The following ZDHHC17 variants were observed in gnomAD, a reference collection of about 807,000 sequenced individuals.
ZDHHC17 encodes zDHHC palmitoyltransferase 17.
In ZDHHC17, 40 loss-of-function variants were observed where a neutral mutation model predicts 90.3. The observed-to-expected ratio is 0.44, with a 90% CI of 0.34 to 0.58. The LOEUF is 0.58. Ranked by LOEUF, ZDHHC17 falls within the 20% of genes least tolerant of loss-of-function variation. The pLI, the probability that ZDHHC17 is intolerant of heterozygous loss-of-function variation, is 0.01. For missense variants in ZDHHC17, 614 were observed against 780.8 expected (o/e 0.79, Z 2.55); for synonymous variants, 235 against 252.4 (o/e 0.93, Z 0.65).
chr12:76,824,577 C>G (rs542283394), intron 8 of ZDHHC17, among the ~76,000 whole-genome samples: 1 of 151,986 alleles, frequency 6.6e-6, no homozygotes, highest in South Asian at 2.1e-4. Flanking sequence ...AGTAGTGACA[C>G]CTAAGACTCA....
rs1592494625 is a variant in ZDHHC17, at chr12:76,834,265, A to G, written c.1141+5775A>G. Among the ~76,000 whole-genome samples the G allele has an allele frequency of 2.0e-5, 3 of 152,180 alleles. No individual in the cohort carries two copies. The South Asian group carries it at 6.2e-4, about 31-fold the overall frequency. The stretch of plus-strand genomic sequence containing the variant: ...TTATAATTAAACAAATCTAAAATTG[A>G]CTGACATAGTATAGTCAACTGCTTA... On this transcript the variant is annotated intron_variant, in intron 10 of 16. Coordinates refer to ENST00000426126, the MANE Select transcript of ZDHHC17 (RefSeq NM_015336.4).
chr12:76,826,943 C>T lies in ZDHHC17; in HGVS notation c.933C>T (p.Phe311=). 1 of 1,528,706 alleles carries T rather than the reference C, an allele frequency of 6.5e-7. No individual in the cohort carries two copies. The highest frequency in any genetic ancestry group is 8.7e-7 in the Non-Finnish European group (1 of 1,150,468). 94.7% of individuals were successfully genotyped at this position (1,528,706 alleles called of 1,614,324 possible). A position where few individuals can be genotyped will look rare whatever the true frequency, so the allele number is the denominator to read the frequency against. ...FRQKVMLGTP[F]LVIWLVGFIA... ...AGAAAGTAATGTTAGGAACTCCTTT[C>T]CTAGTTATTTGGCTGGTTGGGTTTA... The change falls in exon 9 of 17, where the codon TTC becomes TTT. Residue 311 remains phenylalanine (F), a synonymous_variant. Coordinates refer to ENST00000426126, the MANE Select transcript of ZDHHC17 (RefSeq NM_015336.4).
chr12:76,797,781 A>G (rs1011513447), intron 2 of ZDHHC17, among the ~76,000 whole-genome samples: 2 of 152,114 alleles, frequency 1.3e-5, no homozygotes, highest in African/African-American at 4.8e-5. Flanking sequence ...CGTCTCTACT[A>G]AAAATACAAA....
At chr12:76,795,392 G>C (rs1407832714) in intron 1 of ZDHHC17, among the ~76,000 whole-genome samples, 1 of 152,134 alleles carries the variant, frequency 6.6e-6, no homozygotes, top group Non-Finnish European at 1.5e-5. Flanking sequence ...ACATTGTAGA[G>C]AGCTTTATGT....
At chr12:76,839,484 G>T (rs1953406502) in intron 10 of ZDHHC17, among the ~76,000 whole-genome samples, 1 of 152,064 alleles carries the variant, frequency 6.6e-6, no homozygotes, top group Admixed American at 6.5e-5. Flanking sequence ...GAGTATTATG[G>T]TAAATAAATT....
At chr12:76,824,056 ATG>A (rs1436065963) in intron 8 of ZDHHC17, among the ~76,000 whole-genome samples, 3 of 152,126 alleles carry the variant, frequency 2.0e-5, no homozygotes, top group Non-Finnish European at 4.4e-5. Flanking sequence ...GTTTTGTTGA[ATG>A]TGAATATTTT....
At chr12:76,803,714 T>C (rs186517843) in intron 2 of ZDHHC17, among the ~76,000 whole-genome samples, 237 of 152,340 alleles carry the variant, frequency 1.6e-3, no homozygotes, top group Admixed American at 2.7e-3. Flanking sequence ...AATCCCGTTA[T>C]ATATATGTTG....
rs546163067 is a variant in ZDHHC17 at position 76,795,943 on chromosome 12, T to C, written c.94-1491T>C. Among the ~76,000 whole-genome samples, 75 of 152,290 alleles carry C rather than the reference T, an allele frequency of 4.9e-4. 1 individual carries two copies. The South Asian group carries it at 0.015, about 30-fold the overall frequency. ...TGTTAAAGTGTATTTTAACATTGGC[T>C]ATAGCATTTTCATAAGGAATTAAGC... is the stretch of plus-strand genomic sequence containing the variant. On this transcript the variant is annotated intron_variant, in intron 1 of 16. Transcript: ENST00000426126.
At chr12:76,813,447 A>G (rs1056551802) in intron 5 of ZDHHC17, 8 of 378,626 alleles carry the variant, frequency 2.1e-5, no homozygotes, top group African/African-American at 4.3e-5. Flanking sequence ...GACAGTATGC[A>G]TGGTGAGTGA....
At chr12:76,834,755 T>TCCCTC (rs1953344209) in intron 10 of ZDHHC17, among the ~76,000 whole-genome samples, 1 of 152,146 alleles carries the variant, frequency 6.6e-6, no homozygotes. Flanking sequence ...AGGGGAGGGA[T>TCCCTC]CAGTATCTTT....
At chr12:76,777,893 G>C (rs1449292946) in intron 1 of ZDHHC17, among the ~76,000 whole-genome samples, 1 of 152,104 alleles carries the variant, frequency 6.6e-6, no homozygotes, top group African/African-American at 2.4e-5. Flanking sequence ...TACTGGTAGA[G>C]CCCAGAGAGG....
intron 5 of ZDHHC17, among the ~76,000 whole-genome samples, chr12:76,810,585 C>T (rs1262873394): frequency 6.6e-6 from 1 of 151,990 alleles, no homozygotes; most frequent in Non-Finnish European, 1.5e-5. Context: ...AATTTGAATA[C>T]TATTTCTTTT....
chr12:76,787,584 G>A (rs758055439), intron 1 of ZDHHC17, among the ~76,000 whole-genome samples: 2 of 151,360 alleles, frequency 1.3e-5, no homozygotes, highest in Admixed American at 6.6e-5. Context: ...CAATGCCATC[G>A]GCCATAGAGT....
intron 15 of ZDHHC17, 149 bp from the exon 16 acceptor site, chr12:76,849,227 G>T (rs1298064747): frequency 2.3e-6 from 1 of 433,744 alleles, no homozygotes; most frequent in South Asian, 4.9e-5. Context: ...TGGGGTGGGG[G>T]GAGGTGGCGG....
intron 2 of ZDHHC17, among the ~76,000 whole-genome samples, chr12:76,804,744 G>T (rs1354774011): frequency 6.6e-6 from 1 of 152,198 alleles, no homozygotes; most frequent in Non-Finnish European, 1.5e-5. Context: ...AGGGACTTGT[G>T]TGCTAGGAGA....
chr12:76,813,742 A>G (rs1953052164), intron 5 of ZDHHC17, among the ~76,000 whole-genome samples: 1 of 152,104 alleles, frequency 6.6e-6, no homozygotes, highest in South Asian at 2.1e-4. Flanking sequence ...AAGAAACTTA[A>G]TATTTATTGA....
In ZDHHC17 at chr12:76,851,520, C is replaced by A. The variant is rs1953567661; in HGVS notation, c.*535C>A. The A allele has an allele frequency of 6.5e-6, 1 of 152,762 alleles. No homozygotes were observed. The highest frequency in any genetic ancestry group is 1.9e-4 in the East Asian group (1 of 5,200). 9.5% of individuals were successfully genotyped at this position (152,762 alleles called of 1,614,324 possible). On this transcript the variant is annotated 3_prime_UTR_variant, in exon 17 of 17. Transcript: ENST00000426126. Reference sequence around the variant, plus strand: ...TTGGGATCTACTGTGATGTTGTCTTCAAAGGCAGGAGAAAATAATGTTCAC... The same window carrying A: ...TTGGGATCTACTGTGATGTTGTCTTAAAAGGCAGGAGAAAATAATGTTCAC...
chr12:76,819,206 T>G (rs558263526), intron 7 of ZDHHC17, among the ~76,000 whole-genome samples: 1 of 152,106 alleles, frequency 6.6e-6, no homozygotes, highest in Non-Finnish European at 1.5e-5. Flanking sequence ...GTGATAGGAA[T>G]TGGTTCTGTT....
intron 10 of ZDHHC17, among the ~76,000 whole-genome samples, chr12:76,832,487 G>C (rs1466415684): frequency 2.0e-5 from 3 of 152,238 alleles, no homozygotes; most frequent in African/African-American, 7.2e-5. Context: ...GAGTAATACA[G>C]AGTTAGGTTC....
Sources: allele counts gnomAD v4.1 joint callset (sites outside exome capture counted in the v4.1 genomes callset), GRCh38; gene constraint gnomAD v4.1.1; transcripts MANE v1.5; gene names NCBI Gene and HGNC (gene_info 2026-07-23, HGNC 2026-07-21).